WWOX: variants seen among roughly 807,000 people sequenced by gnomAD.
The protein encoded by WWOX is WW domain containing oxidoreductase.
WWOX carries 69 observed loss-of-function variants against 46.2 expected under a neutral mutation model. The observed-to-expected ratio is 1.49, with a 90% CI of 1.23 to 1.82. WWOX has a LOEUF of 1.82. Among genes scored for constraint, WWOX ranks in the 40% most tolerant of loss-of-function variants. WWOX has a pLI of 0.00. For missense variants in WWOX, 919 were observed against 542.6 expected, an observed-to-expected ratio of 1.69 and a Z score of -6.89; for synonymous variants, 359 against 202.6, an observed-to-expected ratio of 1.77 and a Z score of -6.56.
chr16:78,985,578 G>C (rs1459454240), intron 8 of WWOX, among the ~76,000 whole-genome samples: 1 of 152,204 alleles, frequency 6.6e-6, no homozygotes, highest in Non-Finnish European at 1.5e-5. Flanking sequence ...AGACCAGCCT[G>C]ACAAACATGG....
chr16:79,080,563 G>C (rs2048742030), intron 8 of WWOX, among the ~76,000 whole-genome samples: 1 of 152,202 alleles, frequency 6.6e-6, no homozygotes, highest in Admixed American at 6.5e-5. Flanking sequence ...GAACCAGATT[G>C]TCTAACACTG....
chr16:79,183,864 G>C (rs2050961403), intron 8 of WWOX, among the ~76,000 whole-genome samples: 1 of 152,126 alleles, frequency 6.6e-6, no homozygotes, highest in African/African-American at 2.4e-5. Flanking sequence ...CACTAACACT[G>C]TCACTCAGTC....
chr16:79,107,624 A>C (rs1287355686), intron 8 of WWOX, among the ~76,000 whole-genome samples: 3 of 152,198 alleles, frequency 2.0e-5, no homozygotes, highest in African/African-American at 4.8e-5. Context: ...GCAGATCTCC[A>C]CTGAAACCCC....
rs187666836 is a variant in WWOX, at chr16:79,167,238, G to A, written c.1057-44370G>A. On this transcript the variant is annotated intron_variant, in intron 8 of 8. Transcript: ENST00000566780. Reference sequence around the variant, plus strand: ...ATAACAGGCATGAACCACCATGCCCGGCCATCAGAAATATTTTATTTCACT... The same window carrying A: ...ATAACAGGCATGAACCACCATGCCCAGCCATCAGAAATATTTTATTTCACT... 1.2e-4 allele frequency among the ~76,000 whole-genome samples: 18 copies of A among 152,198 alleles called. No individual in the cohort carries two copies. In the East Asian group the frequency reaches 1.9e-3, roughly 16 times the overall value.
chr16:78,213,461 C>T (rs1489819447), intron 5 of WWOX, among the ~76,000 whole-genome samples: 4 of 151,692 alleles, frequency 2.6e-5, no homozygotes, highest in Admixed American at 6.6e-5. Flanking sequence ...TAAGTGCAGT[C>T]CTACTGTGTG....
At chr16:78,383,135 C>T (rs1442215564) in intron 5 of WWOX, among the ~76,000 whole-genome samples, 2 of 151,258 alleles carry the variant, frequency 1.3e-5, no homozygotes, top group East Asian at 3.9e-4. Flanking sequence ...CAATCACCTC[C>T]CACCAGGCCC....
chr16:78,875,596 T>A (rs2151208039), intron 8 of WWOX, among the ~76,000 whole-genome samples: 2 of 152,276 alleles, frequency 1.3e-5, no homozygotes, highest in East Asian at 3.9e-4. Context: ...ATATCCCTTA[T>A]CTCAAGGTGA....
chr16:78,418,892 G>A (rs554568386), intron 6 of WWOX, among the ~76,000 whole-genome samples: 1 of 151,904 alleles, frequency 6.6e-6, no homozygotes, highest in Non-Finnish European at 1.5e-5. Context: ...AATAAGACAA[G>A]GATATTCACT....
intron 4 of WWOX, among the ~76,000 whole-genome samples, chr16:78,125,202 A>T (rs1296211253): frequency 6.6e-6 from 1 of 152,134 alleles, no homozygotes; most frequent in Non-Finnish European, 1.5e-5. Context: ...AATTCTCAGC[A>T]CCGTGCTTAC....
rs11863604 is a variant in WWOX at position 78,921,887 on chromosome 16, A to G, written c.1057-289721A>G. ...GGACTTGTGGCACTTAGCAGAAGCT[A>G]TTGTATTTACAGTTACAGTTTATTA... On this transcript the variant is annotated intron_variant, in intron 8 of 8. Coordinates refer to ENST00000566780, the MANE Select transcript of WWOX (RefSeq NM_016373.4). 8.3e-3 allele frequency among the ~76,000 whole-genome samples: 1,258 copies of G among 152,338 alleles called. 19 individuals are homozygous for G. Among genetic ancestry groups the G allele is most frequent in the African/African-American group, 0.029 (1,207 of 41,592 alleles).
At chr16:78,409,375 C>T (rs1323757290) in intron 6 of WWOX, among the ~76,000 whole-genome samples, 2 of 152,104 alleles carry the variant, frequency 1.3e-5, no homozygotes, top group African/African-American at 2.4e-5. Context: ...GTCATACCTG[C>T]TCCTGACACC....
intron 5 of WWOX, among the ~76,000 whole-genome samples, chr16:78,241,823 C>T (rs1316606559): frequency 6.6e-6 from 1 of 152,160 alleles, no homozygotes; most frequent in Non-Finnish European, 1.5e-5. Flanking sequence ...GTCAGAGTGA[C>T]CCAGGTGGTC....
At chr16:79,157,385 A>G (rs1229624797) in intron 8 of WWOX, among the ~76,000 whole-genome samples, 1 of 151,890 alleles carries the variant, frequency 6.6e-6, no homozygotes, top group Non-Finnish European at 1.5e-5. Context: ...GTCAAGTCTC[A>G]TAAACTGTGT....
intron 5 of WWOX, among the ~76,000 whole-genome samples, chr16:78,205,097 G>A (rs192694706): frequency 7.9e-5 from 12 of 152,300 alleles, no homozygotes; most frequent in African/African-American, 2.9e-4. Flanking sequence ...TCAAATCCAG[G>A]AGGCAGAGGA....
At chr16:78,791,846 C>G (rs1380732326) in intron 8 of WWOX, among the ~76,000 whole-genome samples, 1 of 152,150 alleles carries the variant, frequency 6.6e-6, no homozygotes, top group African/African-American at 2.4e-5. Context: ...CGCCACTGCA[C>G]TGCAGCCTGG....
At chr16:78,551,574 C>A (rs973177595) in intron 8 of WWOX, 9 of 152,336 alleles carry the variant, frequency 5.9e-5, no homozygotes, top group Admixed American at 1.3e-4. Flanking sequence ...TGTCTGGTAG[C>A]TGTTTGCTCT....
At chr16:78,408,917 G>C (rs185845622) in intron 6 of WWOX, among the ~76,000 whole-genome samples, 1 of 152,172 alleles carries the variant, frequency 6.6e-6, no homozygotes, top group South Asian at 2.1e-4. Context: ...GCAGGGAACA[G>C]AAAGTACTGT....
chr16:79,121,841 T>A (rs1387913643), intron 8 of WWOX, among the ~76,000 whole-genome samples: 1 of 152,160 alleles, frequency 6.6e-6, no homozygotes, highest in African/African-American at 2.4e-5. Flanking sequence ...AACATTGGGA[T>A]ATTAAAACAA....
chr16:78,676,210 C>G lies in WWOX; in HGVS notation c.1056+243458C>G, dbSNP rs150937097. Among the ~76,000 whole-genome samples the G allele has an allele frequency of 2.7e-3, 409 of 151,704 alleles. 1 individual carries two copies. Among genetic ancestry groups the G allele is most frequent in the African/African-American group, 9.3e-3 (385 of 41,398 alleles). ...TGTCTTGTTCTATTTGGATATAAAG[C>G]TACCATCAAGCAGAAGAAGCGGGAT... On this transcript the variant is annotated intron_variant, in intron 8 of 8. Transcript: ENST00000566780.
Sources: allele counts gnomAD v4.1 joint callset (sites outside exome capture counted in the v4.1 genomes callset), GRCh38; gene constraint gnomAD v4.1.1; transcripts MANE v1.5; gene names NCBI Gene and HGNC (gene_info 2026-07-23, HGNC 2026-07-21).